SBF2: variants seen among roughly 807,000 people sequenced by gnomAD.
The protein encoded by SBF2 is myotubularin-related protein 13.
Under a neutral mutation model 225.2 loss-of-function variants are expected in SBF2, and 112 were observed. The observed-to-expected ratio is 0.50, with a 90% CI of 0.43 to 0.58. The LOEUF (loss-of-function observed/expected upper bound fraction) is 0.58, where lower values mean the gene tolerates loss of function less well. Among genes scored for constraint, SBF2 ranks in the 20% least tolerant of loss-of-function variants. SBF2 has a pLI of 0.00. For synonymous variants in SBF2, 763 were observed against 773.3 expected (o/e 0.99, Z 0.22); for missense variants, 1,996 against 2,206.2 (o/e 0.90, Z 1.91).
intron 16 of SBF2, among the ~76,000 whole-genome samples, chr11:9,948,166 G>T (rs925246235): frequency 1.3e-5 from 2 of 151,538 alleles, no homozygotes; most frequent in East Asian, 1.9e-4. Context: ...AGTCACAAAA[G>T]AACAAATACT....
chr11:9,976,049 ATATTCT>A (rs950291393), intron 13 of SBF2, among the ~76,000 whole-genome samples: 4 of 147,332 alleles, frequency 2.7e-5, no homozygotes, highest in African/African-American at 7.5e-5. Context: ...TATAAATCTC[ATATTCT>A]TCTTCTTCTT....
intron 2 of SBF2, among the ~76,000 whole-genome samples, chr11:10,066,246 A>G (rs1950619311): frequency 6.6e-6 from 1 of 151,880 alleles, no homozygotes; most frequent in Non-Finnish European, 1.5e-5. Flanking sequence ...TACCAATACC[A>G]AAACTTGATA....
chr11:10,296,456 T>G (rs1253270195), upstream of SBF2, among the ~76,000 whole-genome samples: 3 of 152,024 alleles, frequency 2.0e-5, no homozygotes, highest in Non-Finnish European at 4.4e-5. Context: ...CTCATAAAAC[T>G]TATTCACTAT....
chr11:10,008,501 A>G (rs111530505), intron 6 of SBF2, among the ~76,000 whole-genome samples: 54 of 152,354 alleles, frequency 3.5e-4, no homozygotes, highest in African/African-American at 1.2e-3. Context: ...GGAAAAGGAG[A>G]GGCAAACGGA....
chr11:10,177,615 C>T (rs1272685435), intron 2 of SBF2, among the ~76,000 whole-genome samples: 1 of 150,676 alleles, frequency 6.6e-6, no homozygotes. Context: ...GAATAAAATA[C>T]CTAGGAATCC....
At chr11:9,885,288 CA>C (rs1270242107) in intron 17 of SBF2, among the ~76,000 whole-genome samples, 3 of 147,246 alleles carry the variant, frequency 2.0e-5, no homozygotes, top group Admixed American at 6.8e-5. Context: ...CCCACCCCCC[CA>C]AAAAAAACCC....
intron 2 of SBF2, among the ~76,000 whole-genome samples, chr11:10,122,563 C>A (rs1359498331): frequency 6.6e-6 from 1 of 152,192 alleles, no homozygotes; most frequent in African/African-American, 2.4e-5. Context: ...GTAGGCCAAA[C>A]AAGCAAACTA....
At chr11:10,162,376 C>A (rs555598191) in intron 2 of SBF2, among the ~76,000 whole-genome samples, 42 of 152,202 alleles carry the variant, frequency 2.8e-4, no homozygotes, top group Admixed American at 2.6e-3. Flanking sequence ...ACAAATATAA[C>A]CAAGAGTGAA....
At chr11:9,857,770 T>C (rs969794091) in intron 18 of SBF2, among the ~76,000 whole-genome samples, 2 of 152,256 alleles carry the variant, frequency 1.3e-5, no homozygotes, top group African/African-American at 4.8e-5. Flanking sequence ...AAATATTTTA[T>C]GCTGATAAAA....
intron 16 of SBF2, among the ~76,000 whole-genome samples, chr11:9,910,890 C>CAAAAAAAAAA (rs68011518): frequency 3.2e-5 from 3 of 93,586 alleles, no homozygotes; most frequent in African/African-American, 8.7e-5. Flanking sequence ...TACTAAAATA[C>CAAAAAAAAAA]AAAAAAAAAA....
chr11:10,181,793 T>C (rs938469792), intron 2 of SBF2, among the ~76,000 whole-genome samples: 1 of 152,156 alleles, frequency 6.6e-6, no homozygotes, highest in South Asian at 2.1e-4. Context: ...AGTTTAGTGG[T>C]GATAATAATT....
chr11:10,156,576 C>T (rs1001348945), intron 2 of SBF2, among the ~76,000 whole-genome samples: 1 of 152,198 alleles, frequency 6.6e-6, no homozygotes, highest in Admixed American at 6.5e-5. Flanking sequence ...GGCTGTTCAG[C>T]CAGCCAGATG....
intron 17 of SBF2, among the ~76,000 whole-genome samples, chr11:9,890,968 T>G (rs1403523876): frequency 6.6e-6 from 1 of 152,000 alleles, no homozygotes; most frequent in Non-Finnish European, 1.5e-5. Context: ...TCCCCATCTC[T>G]ACGGTAAAAA....
At chr11:10,193,306 G>GTGGAATT (rs1236198166) in intron 2 of SBF2, among the ~76,000 whole-genome samples, 1 of 149,588 alleles carries the variant, frequency 6.7e-6, no homozygotes, top group African/African-American at 2.4e-5. Context: ...TAAAGAAGCA[G>GTGGAATT]TGGAATTTTT....
At chr11:9,821,200 C>T (rs1362905223) in intron 28 of SBF2, among the ~76,000 whole-genome samples, 1 of 152,112 alleles carries the variant, frequency 6.6e-6, no homozygotes, top group Admixed American at 6.5e-5. Flanking sequence ...TGTTTATTCT[C>T]GTATCCATGC....
chr11:10,294,069 TGGCCGC>T lies in SBF2; in HGVS notation c.-6_-1del. Reference sequence around the variant, plus strand: ...ATGAAGTAGTCAGCCAGCCGGGCCATGGCCGCCGCCGCCGCGCTCGGGAAGCGGGTC... The same window carrying T: ...ATGAAGTAGTCAGCCAGCCGGGCCATCGCCGCCGCGCTCGGGAAGCGGGTC... On this transcript the variant is annotated 5_prime_UTR_variant, in exon 1 of 40. Coordinates refer to ENST00000256190, the MANE Select transcript of SBF2 (RefSeq NM_030962.4). The T allele has an allele frequency of 7.3e-7, 1 of 1,378,188 alleles. No homozygotes were observed. The highest frequency in any genetic ancestry group is 1.8e-5 in the South Asian group (1 of 56,832). 85.4% of individuals were successfully genotyped at this position (1,378,188 alleles called of 1,614,324 possible).
chr11:9,959,937 T>C (rs1173662344), intron 16 of SBF2: 1 of 314,788 alleles, frequency 3.2e-6, no homozygotes. Flanking sequence ...TTAAATCTTT[T>C]GCTCATTTTC....
At chr11:10,103,413 AT>A (rs1952400063) in intron 2 of SBF2, among the ~76,000 whole-genome samples, 1 of 152,196 alleles carries the variant, frequency 6.6e-6, no homozygotes, top group African/African-American at 2.4e-5. Context: ...ATTTGTGTAA[AT>A]GTGTTATTGG....
intron 1 of SBF2, among the ~76,000 whole-genome samples, chr11:10,240,259 C>CA (rs555675542): frequency 0.044 from 4,056 of 93,036 alleles, 79 homozygotes; most frequent in African/African-American, 0.078. Flanking sequence ...ATTAAAAGAA[C>CA]AAAAAAAAAA....
Sources: gnomAD v4.1 joint callset for allele counts (sites outside exome capture counted in the v4.1 genomes callset) on GRCh38, gnomAD v4.1.1 for gene constraint, MANE v1.5 for transcripts, NCBI Gene and HGNC (gene_info 2026-07-23, HGNC 2026-07-21) for gene names.